PHF2: variants seen among roughly 807,000 people sequenced by gnomAD.
PHF2 encodes the protein PHD finger protein 2, also known as lysine-specific demethylase PHF2.
PHF2 carries 27 observed loss-of-function variants against 120.5 expected under a neutral mutation model. That is an observed-to-expected ratio of 0.22 (90% CI 0.17 to 0.31). The LOEUF is 0.31. Ranked by LOEUF, PHF2 falls within the 10% of genes least tolerant of loss-of-function variation. The pLI is 1.00. For missense variants in PHF2, 1,024 were observed against 1,434.8 expected (o/e 0.71, Z 4.63); for synonymous variants, 568 against 592.5 (o/e 0.96, Z 0.60).
At chr9:93,635,766 G>A (rs548136603) in intron 2 of PHF2, among the ~76,000 whole-genome samples, 4 of 152,312 alleles carry the variant, frequency 2.6e-5, no homozygotes, top group South Asian at 2.1e-4. Context: ...ACATGCACAT[G>A]TAAAAAGTCC....
At chr9:93,649,397 T>TTTTTTTTTTG (rs1321587527) in intron 5 of PHF2, among the ~76,000 whole-genome samples, 185 bp downstream of exon 5, 1 of 143,242 alleles carries the variant, frequency 7.0e-6, no homozygotes, top group African/African-American at 2.6e-5. Flanking sequence ...TTTTTTTTTT[T>TTTTTTTTTTG]TATAAGACTG....
chr9:93,662,924 G>T lies in PHF2; in HGVS notation c.1716G>T (p.Leu572=). ...PKKGKATKSV[L]SVPNKDVVHM... is the part of the protein sequence containing the mutation. ...TTTTCTAGGCCACAAAGAGTGTCCTGAGTGTGCCCAACAAAGATGTGGTTC... is the reference window on the plus strand; with the variant it reads ...TTTTCTAGGCCACAAAGAGTGTCCTTAGTGTGCCCAACAAAGATGTGGTTC... The change falls in exon 13 of 22, where the codon CTG becomes CTT. Residue 572 remains leucine, a synonymous_variant. Coordinates refer to ENST00000359246, the MANE Select transcript of PHF2 (RefSeq NM_005392.4). The T allele has an allele frequency of 6.2e-7, 1 of 1,614,104 alleles. No individual in the cohort carries two copies. Among genetic ancestry groups the T allele is most frequent in the Non-Finnish European group, 8.5e-7 (1 of 1,179,972 alleles).
chr9:93,631,066 G>A (rs1278286244), intron 2 of PHF2, among the ~76,000 whole-genome samples: 1 of 152,160 alleles, frequency 6.6e-6, no homozygotes, highest in Non-Finnish European at 1.5e-5. Flanking sequence ...CCGGACCCCT[G>A]TGGGATGAGT....
intron 1 of PHF2, among the ~76,000 whole-genome samples, chr9:93,595,356 A>G (rs1196081895): frequency 6.6e-6 from 1 of 152,246 alleles, no homozygotes; most frequent in Non-Finnish European, 1.5e-5. Context: ...AGATACTTAC[A>G]GATACTCTTC....
At chr9:93,668,489 A>G (rs1009631464) in intron 17 of PHF2, among the ~76,000 whole-genome samples, 68 of 151,988 alleles carry the variant, frequency 4.5e-4, no homozygotes, top group Admixed American at 4.2e-3. Context: ...GTCCATGGAG[A>G]GGCCTGGGGG....
chr9:93,631,187 C>T (rs1353747034), intron 2 of PHF2, among the ~76,000 whole-genome samples: 4 of 152,194 alleles, frequency 2.6e-5, no homozygotes, highest in African/African-American at 7.2e-5. Flanking sequence ...GAGGCCTGGC[C>T]TGGCAGCTGG....
chr9:93,647,673 T>G (rs1826285767), intron 4 of PHF2, among the ~76,000 whole-genome samples: 1 of 152,134 alleles, frequency 6.6e-6, no homozygotes, highest in South Asian at 2.1e-4. Flanking sequence ...GTGGATTTCT[T>G]GAGGCCAGGA....
At position 93,655,276 on chromosome 9, in the gene PHF2, G is replaced by GTTT. The variant is rs71364388; in HGVS notation, c.953-646_953-644dup. ...ATTTTTAAATCGTTTTATAGGGTTG[G>GTTT]TTTTTTTTTTTTTTCATTTTAAATA... On this transcript the variant is annotated intron_variant, in intron 7 of 21. Coordinates refer to ENST00000359246, the MANE Select transcript of PHF2 (RefSeq NM_005392.4). Among the ~76,000 whole-genome samples the GTTT allele has an allele frequency of 2.6e-3, 377 of 143,782 alleles. 2 individuals carry two copies. Among genetic ancestry groups the GTTT allele is most frequent in the African/African-American group, 7.7e-3 (303 of 39,266 alleles). 94.3% of individuals were successfully genotyped at this position (143,782 alleles called of 152,430 possible). A position where few individuals can be genotyped will look rare whatever the true frequency, so the allele number is the denominator to read the frequency against.
At chr9:93,621,973 T>C (rs1825834191) in intron 1 of PHF2, among the ~76,000 whole-genome samples, 1 of 152,168 alleles carries the variant, frequency 6.6e-6, no homozygotes, top group Non-Finnish European at 1.5e-5. Context: ...AAAAGGATGT[T>C]GTTCATTGGG....
intron 17 of PHF2, among the ~76,000 whole-genome samples, chr9:93,669,851 C>A (rs3750364): frequency 6.6e-6 from 1 of 152,178 alleles, no homozygotes; most frequent in Non-Finnish European, 1.5e-5. Context: ...AGGACTGGTC[C>A]TGGTGGGGCC....
chr9:93,679,031 T>G lies in PHF2; in HGVS notation c.*1355T>G. On this transcript the variant is annotated 3_prime_UTR_variant, in exon 22 of 22. Coordinates refer to ENST00000359246, the MANE Select transcript of PHF2 (RefSeq NM_005392.4). ...CTTCAACTTTAATACCAGCTCTTTG[T>G]TTTCCTTGTATGATGAGGGGATTGG... is the stretch of plus-strand genomic sequence containing the variant. 3.0e-6 allele frequency: 1 copy of G among 333,590 alleles called. No individual in the cohort carries two copies. Among genetic ancestry groups the G allele is most frequent in the Admixed American group, 4.6e-5 (1 of 21,964 alleles). 20.7% of individuals were successfully genotyped at this position (333,590 alleles called of 1,614,324 possible).
At chr9:93,600,487 G>A (rs1825420179) in intron 1 of PHF2, among the ~76,000 whole-genome samples, 1 of 152,230 alleles carries the variant, frequency 6.6e-6, no homozygotes, top group Admixed American at 6.5e-5. Flanking sequence ...TGCAGTGTGG[G>A]ACAGCTTTGC....
At chr9:93,595,301 G>A (rs374809011) in intron 1 of PHF2, among the ~76,000 whole-genome samples, 61 of 152,316 alleles carry the variant, frequency 4.0e-4, no homozygotes, top group African/African-American at 1.5e-3. Context: ...TTACTTATAT[G>A]TACTTAGATA....
At chr9:93,670,915 A>AG (rs1403190656) in intron 17 of PHF2, 1 of 846,078 alleles carries the variant, frequency 1.2e-6, no homozygotes, top group Non-Finnish European at 1.4e-6. Context: ...CAGGGCAAAG[A>AG]GAAAGCCTGG....
chr9:93,620,050 C>T (rs1313725410), intron 1 of PHF2, among the ~76,000 whole-genome samples: 5 of 152,218 alleles, frequency 3.3e-5, no homozygotes, highest in Non-Finnish European at 7.3e-5. Context: ...TGCTCTCCCT[C>T]GGACTCTGCA....
At chr9:93,595,916 C>T (rs1044614058) in intron 1 of PHF2, among the ~76,000 whole-genome samples, 3 of 152,224 alleles carry the variant, frequency 2.0e-5, no homozygotes, top group African/African-American at 7.2e-5. Flanking sequence ...GTCTCACAGG[C>T]ACTGGTGATA....
chr9:93,589,127 A>G (rs1587663986), intron 1 of PHF2, among the ~76,000 whole-genome samples: 1 of 152,182 alleles, frequency 6.6e-6, no homozygotes, highest in East Asian at 1.9e-4. Flanking sequence ...ATGTCCTGGT[A>G]TGTCTCTTTC....
intron 1 of PHF2, among the ~76,000 whole-genome samples, chr9:93,607,571 C>G (rs1564378946): frequency 6.6e-6 from 1 of 151,444 alleles, no homozygotes; most frequent in Non-Finnish European, 1.5e-5. Context: ...GTGTGAGCCA[C>G]TGTGCCTGGC....
intron 3 of PHF2, 90 bp from the exon 4 acceptor site, chr9:93,645,539 C>A: frequency 1.5e-6 from 2 of 1,349,546 alleles, no homozygotes; most frequent in Non-Finnish European, 2.0e-6. Context: ...GACCCAGGCT[C>A]ACCTCTCCAG....
Sources: gnomAD v4.1 joint callset for allele counts (sites outside exome capture counted in the v4.1 genomes callset) on GRCh38, gnomAD v4.1.1 for gene constraint, MANE v1.5 for transcripts, NCBI Gene and HGNC (gene_info 2026-07-23, HGNC 2026-07-21) for gene names.